Variants in PLEKHM1 observed in about 807,000 individuals in gnomAD.
PLEKHM1 encodes the protein pleckstrin homology domain-containing family M member 1.
In PLEKHM1, 28 loss-of-function variants were observed where a neutral mutation model predicts 94.3. The ratio of observed to expected loss-of-function variants is 0.30; its 90% confidence interval spans 0.22 to 0.41. The LOEUF (loss-of-function observed/expected upper bound fraction) is 0.41. Ranked by LOEUF, PLEKHM1 falls within the 10% of genes least tolerant of loss-of-function variation. The probability of loss-of-function intolerance (pLI) is 1.00; values close to 1 mark genes in which losing one functional copy is unlikely to be tolerated. For missense variants in PLEKHM1, 907 were observed against 1,358.6 expected (o/e 0.67, Z 5.22); for synonymous variants, 424 against 581.2 (o/e 0.73, Z 3.89).
At chr17:45,441,668 G>A (rs2145167225) in intron 9 of PLEKHM1, among the ~76,000 whole-genome samples, 1 of 152,200 alleles carries the variant, frequency 6.6e-6, no homozygotes, top group African/African-American at 2.4e-5. Context: ...CTTCTCCGCA[G>A]TGCTCAGTCA....
At chr17:45,474,554 T>C (rs753455234) in intron 4 of PLEKHM1, among the ~76,000 whole-genome samples, 1 of 152,222 alleles carries the variant, frequency 6.6e-6, no homozygotes, top group Admixed American at 6.5e-5. Context: ...GTTTCATCTA[T>C]TTGTTGGACG....
chr17:45,475,189 G>A lies in PLEKHM1; in HGVS notation c.834C>T (p.Ser278=), dbSNP rs1195042769. Residue 278 remains serine (S), a synonymous_variant, in exon 4 of 12, where the codon TCC becomes TCT. Transcript: ENST00000430334. ...GCTCCTCGCAATGGTCTGGACTCTT[G>A]GAGCCATTCTCTTGGAGTAAGCAGC... ...SDSCLLQENG[S]KSPDHCEEPM... is the part of the protein sequence containing the mutation. 1 of 1,613,964 alleles carries A rather than the reference G, an allele frequency of 6.2e-7. No homozygotes were observed.
At chr17:45,452,904 A>G (rs1245007484) in intron 7 of PLEKHM1, 4 of 252,346 alleles carry the variant, frequency 1.6e-5, no homozygotes, top group African/African-American at 8.8e-5. Flanking sequence ...GGACATTTTC[A>G]TCATCACAGA....
rs954807428 is a variant in PLEKHM1 at position 45,472,709 on chromosome 17, C to T, written c.923+2391G>A. Among the ~76,000 whole-genome samples the T allele has an allele frequency of 4.6e-5, 7 of 152,178 alleles. 1 individual carries two copies. The highest frequency in any genetic ancestry group is 4.1e-4 in the South Asian group (2 of 4,832). ...TGCTCAGAAGCCATTTCTGGGACTA[C>T]GAGACAATCTCCTATATTGTTTGAC... On this transcript the variant is annotated intron_variant, in intron 4 of 11. Transcript: ENST00000430334.
rs1270234894 is a variant in PLEKHM1 at position 45,458,954 on chromosome 17, G to GA, written c.1309-516dup. 4.0e-5 allele frequency among the ~76,000 whole-genome samples: 6 copies of GA among 151,572 alleles called. No homozygotes were observed. The East Asian group carries it at 5.8e-4, about 15-fold the overall frequency. The stretch of plus-strand genomic sequence containing the variant: ...TTGAGACCAACCTGGGCAACACAGT[G>GA]AGAACCCATCTCTACAAAAAATAAC... On this transcript the variant is annotated intron_variant, in intron 5 of 11. Transcript: ENST00000430334.
chr17:45,486,243 T>A (rs28665346), intron 1 of PLEKHM1, among the ~76,000 whole-genome samples: 92,926 of 142,552 alleles, frequency 0.65, 30,647 homozygotes, highest in African/African-American at 0.71. Flanking sequence ...AATAAAAAAA[T>A]AATAATAATA....
Position 45,436,115 on chromosome 17 carries a change from G to T in PLEKHM1, c.*1743C>A, listed in dbSNP as rs749050478. ...CATCTGAAAGCACTGGCAGCTTCTGGGGAACGGGCCCCCCAGGGCCTCAAA... is the reference window on the plus strand; with the variant it reads ...CATCTGAAAGCACTGGCAGCTTCTGTGGAACGGGCCCCCCAGGGCCTCAAA... On this transcript the variant is annotated 3_prime_UTR_variant, in exon 12 of 12. Transcript: ENST00000430334. 1.0e-4 allele frequency: 46 copies of T among 456,298 alleles called. No individual in the cohort carries two copies. The highest frequency in any genetic ancestry group is 4.0e-4 in the Admixed American group (17 of 42,568). 28.3% of individuals were successfully genotyped at this position (456,298 alleles called of 1,614,324 possible).
intron 9 of PLEKHM1, among the ~76,000 whole-genome samples, chr17:45,440,628 C>T (rs1222617825): frequency 1.3e-5 from 2 of 152,366 alleles, no homozygotes; most frequent in African/African-American, 4.8e-5. Context: ...ATTTGATCCT[C>T]ACAATAATTC....
intron 5 of PLEKHM1, among the ~76,000 whole-genome samples, chr17:45,462,268 T>C (rs575364230): frequency 6.6e-6 from 1 of 152,170 alleles, no homozygotes; most frequent in African/African-American, 2.4e-5. Context: ...CAGTGACAGA[T>C]GATGTGTCAG....
intron 5 of PLEKHM1, among the ~76,000 whole-genome samples, chr17:45,467,104 T>C (rs1393679772): frequency 6.6e-6 from 1 of 152,166 alleles, no homozygotes; most frequent in Non-Finnish European, 1.5e-5. Context: ...CACACCACCA[T>C]GCCCAGCTAA....
At chr17:45,441,940 A>T (rs1046527091) in intron 9 of PLEKHM1, among the ~76,000 whole-genome samples, 9 of 152,076 alleles carry the variant, frequency 5.9e-5, no homozygotes, top group African/African-American at 1.9e-4. Flanking sequence ...CGATGAAGTG[A>T]TGGGGAAGGA....
Position 45,475,702 on chromosome 17 carries a change from G to T in PLEKHM1, c.321C>A (p.His107Gln). 6.2e-7 allele frequency: 1 copy of T among 1,611,276 alleles called. No individual in the cohort carries two copies. The highest frequency in any genetic ancestry group is 1.1e-5 in the South Asian group (1 of 90,714). Residue 107 changes from histidine to glutamine, a missense_variant, in exon 4 of 12, where the codon CAC (histidine) becomes CAA (glutamine). By Grantham distance (24) the His-to-Gln change is conservative. This residue lies in a region of PLEKHM1 where 176 missense variants were observed against 306.0 expected (regional missense o/e 0.58). Coordinates refer to ENST00000430334, the MANE Select transcript of PLEKHM1 (RefSeq NM_014798.3). ...THKHIISELE[H>Q]LTFVNTDVGR... Reference sequence around the variant, plus strand: ...CCACATCCGTGTTGACAAACGTCAGGTGCTCCAACTCTGAGATGATGTGTC... The same window carrying T: ...CCACATCCGTGTTGACAAACGTCAGTTGCTCCAACTCTGAGATGATGTGTC...
At chr17:45,459,669 CTA>C (rs1237444447) in intron 5 of PLEKHM1, 3 of 144,050 alleles carry the variant, frequency 2.1e-5, no homozygotes, top group Admixed American at 7.2e-5. Context: ...ATGTGTAACT[CTA>C]TGTTTCCCTT....
downstream of PLEKHM1, among the ~76,000 whole-genome samples, chr17:45,435,694 G>A (rs1488772546): frequency 6.6e-6 from 1 of 152,220 alleles, no homozygotes; most frequent in Non-Finnish European, 1.5e-5. Context: ...TGACTGCTGG[G>A]CTTGGCAAGG....
At chr17:45,480,352 T>C (rs1052649311) in intron 2 of PLEKHM1, among the ~76,000 whole-genome samples, 2 of 152,054 alleles carry the variant, frequency 1.3e-5, no homozygotes, top group African/African-American at 4.8e-5. Context: ...GGCATGGTGG[T>C]GCACACCCAT....
In PLEKHM1 at chr17:45,458,432, T is replaced by C; in HGVS notation, c.1316A>G (p.Lys439Arg). The C allele has an allele frequency of 6.2e-7, 1 of 1,613,294 alleles. No homozygotes were observed. The highest frequency in any genetic ancestry group is 8.5e-7 in the Non-Finnish European group (1 of 1,179,236). Residue 439 changes from lysine (K) to arginine (R), a missense_variant, in exon 6 of 12, where the codon AAG (lysine) becomes AGG (arginine). By Grantham distance (26) the Lys-to-Arg change is conservative. Transcript: ENST00000430334. The part of the protein sequence containing the change: ...VVSSPTSPKN[K>R]SWISEDDFYR... ...GAAGTCATCCTCTGAGATCCAGCTC[T>C]TGTTTTTCTGTTGGGAAAGAAGACA...
intron 3 of PLEKHM1, 96 bp from the exon 4 acceptor site, chr17:45,475,822 CA>C (rs1438489619): frequency 8.0e-7 from 1 of 1,249,158 alleles, no homozygotes; most frequent in Non-Finnish European, 1.1e-6. Context: ...ATAACTACTG[CA>C]AATAGATACA....
Position 45,454,124 on chromosome 17 carries a change from G to A in PLEKHM1, c.1728C>T (p.Asn576=). Reference sequence around the variant, plus strand: ...CAGACTCACAGCGAAGCAGCGAGCAGTTCTCCACACAGGTGTGCTCCTCGT... The same window carrying A: ...CAGACTCACAGCGAAGCAGCGAGCAATTCTCCACACAGGTGTGCTCCTCGT... ...LSNEEHTCVE[N]CSLLRCESVG... is the part of the protein sequence containing the mutation. The change falls in exon 7 of 12, where the codon AAC becomes AAT. Residue 576 remains asparagine, a synonymous_variant. Transcript: ENST00000430334. 1 of 1,614,200 alleles carries A rather than the reference G, an allele frequency of 6.2e-7. No homozygotes were observed.
At position 45,436,020 on chromosome 17, in the gene PLEKHM1, C is replaced by T. The variant is rs1202545136; in HGVS notation, c.*1838G>A. ...CCTGCTCACTAGGAACAGTGTATTG[C>T]ATAAAATAACATTTTAAAAATAGTG... is the stretch of plus-strand genomic sequence containing the variant. On this transcript the variant is annotated 3_prime_UTR_variant, in exon 12 of 12. Transcript: ENST00000430334. The T allele has an allele frequency of 4.4e-6, 2 of 456,546 alleles. No homozygotes were observed. Among genetic ancestry groups the T allele is most frequent in the Non-Finnish European group, 4.4e-6 (1 of 226,988 alleles). 28.3% of individuals were successfully genotyped at this position (456,546 alleles called of 1,614,324 possible). A position where few individuals can be genotyped will look rare whatever the true frequency, so the allele number is the denominator to read the frequency against.
Sources: allele counts gnomAD v4.1 joint callset (sites outside exome capture counted in the v4.1 genomes callset), GRCh38; gene constraint gnomAD v4.1.1; regional missense constraint gnomAD v4.1.1; transcripts MANE v1.5; gene names NCBI Gene and HGNC (gene_info 2026-07-23, HGNC 2026-07-21).